Variants in OSBPL9 observed in about 807,000 individuals in gnomAD.
OSBPL9 encodes the protein oxysterol-binding protein-related protein 9.
In OSBPL9, 40 loss-of-function variants were observed where a neutral mutation model predicts 106.6. The ratio of observed to expected loss-of-function variants is 0.38; its 90% CI spans 0.29 to 0.49. OSBPL9 has a LOEUF of 0.49. Among genes scored for constraint, OSBPL9 ranks in the 20% least tolerant of loss-of-function variants. The pLI is 0.97. For synonymous variants in OSBPL9, 269 were observed against 295.4 expected (o/e 0.91, Z 0.92); for missense variants, 609 against 887.2 (o/e 0.69, Z 3.98).
intron 17 of OSBPL9, among the ~76,000 whole-genome samples, chr1:51,783,352 T>TA (rs1321282159): frequency 1.1e-3 from 160 of 148,682 alleles, no homozygotes; most frequent in African/African-American, 3.6e-3. Flanking sequence ...TTTTCTTATT[T>TA]TTTTTTTTTT....
chr1:51,627,147 G>T (rs1183800688), intron 1 of OSBPL9, among the ~76,000 whole-genome samples: 2 of 152,168 alleles, frequency 1.3e-5, no homozygotes, highest in African/African-American at 4.8e-5. Context: ...GGGACTACAG[G>T]CTTGTGCCAC....
chr1:51,777,399 A>T (rs1340059363), intron 15 of OSBPL9, among the ~76,000 whole-genome samples: 1 of 152,220 alleles, frequency 6.6e-6, no homozygotes, highest in African/African-American at 2.4e-5. Flanking sequence ...AAAGCTTGCA[A>T]TATTATATAT....
chr1:51,659,196 T>C lies in OSBPL9; in HGVS notation c.162+7155T>C, dbSNP rs544390185. Among the ~76,000 whole-genome samples the C allele has an allele frequency of 9.1e-4, 138 of 152,214 alleles. 2 individuals are homozygous for C. The highest frequency in any genetic ancestry group is 8.1e-3 in the South Asian group (39 of 4,830). On this transcript the variant is annotated intron_variant, in intron 2 of 23. Coordinates refer to ENST00000428468, the MANE Select transcript of OSBPL9 (RefSeq NM_024586.6). ...ACTAAGAAAAGAAATTAAATTGTTA[T>C]GGAAAAAGAGAATACCAAAGACGCA...
At chr1:51,642,358 A>C (rs1347938422) in intron 1 of OSBPL9, among the ~76,000 whole-genome samples, 1 of 152,188 alleles carries the variant, frequency 6.6e-6, no homozygotes, top group African/African-American at 2.4e-5. Flanking sequence ...TTAATTACAG[A>C]TTTATAAAGT....
At chr1:51,578,269 C>G (rs1391292282) in intron 1 of OSBPL9, among the ~76,000 whole-genome samples, 3 of 152,142 alleles carry the variant, frequency 2.0e-5, no homozygotes, top group Non-Finnish European at 4.4e-5. Context: ...AGTTGTATAA[C>G]TTTGGCCTTG....
At chr1:51,621,387 G>T (rs1175130935) in intron 1 of OSBPL9, among the ~76,000 whole-genome samples, 1 of 151,992 alleles carries the variant, frequency 6.6e-6, no homozygotes, top group African/African-American at 2.4e-5. Flanking sequence ...CTACTTGGGA[G>T]GCCAAGAATT....
the OSBPL9 span, among the ~76,000 whole-genome samples, chr1:51,520,344 T>A: frequency 6.6e-6 from 1 of 152,242 alleles, no homozygotes; most frequent in Non-Finnish European, 1.5e-5. Flanking sequence ...TTGAAATTCA[T>A]CTTCAAAGTC....
At chr1:51,689,421 C>A (rs1654514636) in intron 3 of OSBPL9, among the ~76,000 whole-genome samples, 1 of 151,742 alleles carries the variant, frequency 6.6e-6, no homozygotes, top group South Asian at 2.1e-4. Context: ...TAATATTCTT[C>A]CTTTCTGAAA....
intron 2 of OSBPL9, among the ~76,000 whole-genome samples, chr1:51,606,035 AG>A (rs1281607056): frequency 4.6e-5 from 7 of 152,124 alleles, no homozygotes; most frequent in Non-Finnish European, 5.9e-5. Flanking sequence ...AAGGAAAGAA[AG>A]GAAAGAAAGA....
At chr1:51,656,229 G>C (rs1015864567) in intron 2 of OSBPL9, among the ~76,000 whole-genome samples, 2 of 152,094 alleles carry the variant, frequency 1.3e-5, no homozygotes, top group African/African-American at 2.4e-5. Flanking sequence ...TAACTGGTAC[G>C]GTTGTAATGA....
intron 3 of OSBPL9, among the ~76,000 whole-genome samples, chr1:51,704,048 T>C (rs1273521815): frequency 2.0e-5 from 3 of 152,254 alleles, no homozygotes; most frequent in South Asian, 2.1e-4. Flanking sequence ...CAGTATTTTA[T>C]TGAGGATTTT....
the OSBPL9 span, chr1:51,565,655 G>C: frequency 3.3e-5 from 5 of 152,270 alleles, no homozygotes; most frequent in East Asian, 9.6e-4. Context: ...ACTGCTAGTA[G>C]GATGGGGTCC....
intron 1 of OSBPL9, among the ~76,000 whole-genome samples, chr1:51,638,362 T>C (rs1007805432): frequency 1.3e-5 from 2 of 152,074 alleles, no homozygotes; most frequent in Non-Finnish European, 2.9e-5. Flanking sequence ...TTTGGGGCTA[T>C]TGAGTGTCCC....
At chr1:51,631,927 A>G (rs1009208823) in intron 1 of OSBPL9, among the ~76,000 whole-genome samples, 2 of 152,204 alleles carry the variant, frequency 1.3e-5, no homozygotes, top group East Asian at 1.9e-4. Context: ...AGAGGTCTAC[A>G]TAGGCTCAGT....
intron 15 of OSBPL9, among the ~76,000 whole-genome samples, chr1:51,777,512 G>T (rs1489381549): frequency 6.6e-6 from 1 of 152,118 alleles, no homozygotes; most frequent in Admixed American, 6.5e-5. Flanking sequence ...TTTGTAATGG[G>T]GAATGTTGTT....
intron 12 of OSBPL9, among the ~76,000 whole-genome samples, chr1:51,771,283 A>G (rs982807428): frequency 1.3e-5 from 2 of 152,194 alleles, no homozygotes; most frequent in Admixed American, 6.5e-5. Context: ...TTTGATTTCA[A>G]TTTTTACATT....
intron 1 of OSBPL9, among the ~76,000 whole-genome samples, chr1:51,589,263 A>AT (rs770118850): frequency 5.3e-5 from 8 of 151,970 alleles, no homozygotes; most frequent in African/African-American, 1.4e-4. Flanking sequence ...TAATTTTTGT[A>AT]TTTTTTGTAG....
intron 4 of OSBPL9, among the ~76,000 whole-genome samples, chr1:51,727,797 A>G (rs888816641): frequency 6.6e-6 from 1 of 152,224 alleles, no homozygotes; most frequent in Non-Finnish European, 1.5e-5. Context: ...CAGGAGTTTG[A>G]GTTCAGCATG....
At chr1:51,730,192 G>T in intron 4 of OSBPL9, 1 of 1,229,354 alleles carries the variant, frequency 8.1e-7, no homozygotes. Context: ...AGCCTAGATG[G>T]GGTGGAGGCT....
Sources: gnomAD v4.1 joint callset for allele counts (sites outside exome capture counted in the v4.1 genomes callset) on GRCh38, gnomAD v4.1.1 for gene constraint, MANE v1.5 for transcripts, NCBI Gene and HGNC (gene_info 2026-07-23, HGNC 2026-07-21) for gene names.